BOLL: variants seen among roughly 807,000 people sequenced by gnomAD.
BOLL encodes the protein protein boule-like.
Under a neutral mutation model 44.4 loss-of-function variants are expected in BOLL, and 23 were observed. That is an observed-to-expected ratio of 0.52 (90% CI 0.37 to 0.73). The LOEUF (loss-of-function observed/expected upper bound fraction) is 0.73, where lower values mean the gene tolerates loss of function less well. Ranked by LOEUF, BOLL falls within the 30% of genes least tolerant of loss-of-function variation. The pLI is 0.00. For synonymous variants in BOLL, 97 were observed against 110.8 expected (o/e 0.88, Z 0.78); for missense variants, 287 against 338.3 (o/e 0.85, Z 1.19).
chr2:197,730,017 G>C (rs1215197170), intron 10 of BOLL, among the ~76,000 whole-genome samples: 14 of 149,646 alleles, frequency 9.4e-5, no homozygotes, highest in Non-Finnish European at 1.8e-4. Flanking sequence ...ATTACTCTGA[G>C]CTACGGGAGG....
At chr2:197,742,836 T>A (rs1687815247) in intron 10 of BOLL, among the ~76,000 whole-genome samples, 1 of 151,892 alleles carries the variant, frequency 6.6e-6, no homozygotes, top group Non-Finnish European at 1.5e-5. Flanking sequence ...AAATAAAAAT[T>A]TTTTAAAAAA....
intron 10 of BOLL, among the ~76,000 whole-genome samples, chr2:197,732,458 T>C (rs939397608): frequency 1.3e-5 from 2 of 152,160 alleles, no homozygotes; most frequent in African/African-American, 4.8e-5. Context: ...TAACTCATTT[T>C]ATGAGGCCAG....
intron 7 of BOLL, among the ~76,000 whole-genome samples, chr2:197,766,194 T>G (rs1559410928): frequency 6.6e-6 from 1 of 152,152 alleles, no homozygotes; most frequent in Admixed American, 6.5e-5. Flanking sequence ...CCTCTGGCTA[T>G]ATACCCAGTA....
At chr2:197,776,981 T>C in intron 4 of BOLL, 78 bp downstream of exon 4, 1 of 1,128,206 alleles carries the variant, frequency 8.9e-7, no homozygotes, top group Non-Finnish European at 1.3e-6. Context: ...CAGTTGATTA[T>C]TGTATTTGAA....
rs898764855 is a variant in BOLL, at chr2:197,772,110, C to T, written c.353-128G>A. The T allele has an allele frequency of 1.8e-5, 13 of 737,368 alleles. No homozygotes were observed. In the Admixed American group the frequency reaches 3.9e-4, roughly 22 times the overall value. 45.7% of individuals were successfully genotyped at this position (737,368 alleles called of 1,614,324 possible). ...TAGCTATGGTAAAAATTGAATGTCA[C>T]AGATATTTTTAAAAAATTCCTTATG... On this transcript the variant is annotated intron_variant, in intron 5 of 10. Coordinates refer to ENST00000392296, the MANE Select transcript of BOLL (RefSeq NM_033030.6).
chr2:197,752,241 A>C (rs563720594), intron 9 of BOLL, among the ~76,000 whole-genome samples: 14 of 152,328 alleles, frequency 9.2e-5, no homozygotes, highest in Admixed American at 6.5e-5. Context: ...AACCGGCACA[A>C]GACAAGGATG....
At chr2:197,752,942 G>C (rs766729870) in intron 9 of BOLL, among the ~76,000 whole-genome samples, 6 of 152,076 alleles carry the variant, frequency 3.9e-5, no homozygotes, top group Non-Finnish European at 7.4e-5. Flanking sequence ...CATGGTACTG[G>C]TACCAAAACA....
chr2:197,750,738 C>T (rs754562231), intron 9 of BOLL, among the ~76,000 whole-genome samples: 4 of 152,060 alleles, frequency 2.6e-5, no homozygotes, highest in Admixed American at 6.6e-5. Flanking sequence ...GACAGATCAA[C>T]GAGACAGAAA....
intron 9 of BOLL, among the ~76,000 whole-genome samples, chr2:197,752,993 A>G (rs1688333489): frequency 6.6e-6 from 1 of 152,204 alleles, no homozygotes; most frequent in African/African-American, 2.4e-5. Flanking sequence ...CCTCAGAAAT[A>G]ACATCACACA....
intron 2 of BOLL, among the ~76,000 whole-genome samples, chr2:197,780,947 G>A (rs533942266): frequency 6.6e-6 from 1 of 152,080 alleles, no homozygotes; most frequent in South Asian, 2.1e-4. Context: ...TGTGGGCTGG[G>A]GGGCACTGCA....
chr2:197,773,348 G>A (rs1689350879), intron 5 of BOLL, among the ~76,000 whole-genome samples: 1 of 151,652 alleles, frequency 6.6e-6, no homozygotes, highest in Admixed American at 6.6e-5. Flanking sequence ...TCAAGGCATT[G>A]AACAGGGCCC....
chr2:197,735,879 C>G (rs1472514158), intron 10 of BOLL, among the ~76,000 whole-genome samples: 2 of 152,048 alleles, frequency 1.3e-5, no homozygotes, highest in African/African-American at 4.8e-5. Context: ...ATTTTGTTCT[C>G]TCACCCTAGA....
chr2:197,741,933 A>G (rs1687755941), intron 10 of BOLL, among the ~76,000 whole-genome samples: 1 of 152,240 alleles, frequency 6.6e-6, no homozygotes, highest in South Asian at 2.1e-4. Flanking sequence ...GATATCTCTA[A>G]TATCCAGAAT....
intron 7 of BOLL, chr2:197,758,793 A>G (rs558927940): frequency 2.4e-4 from 133 of 559,512 alleles, no homozygotes; most frequent in African/African-American, 2.2e-3. Flanking sequence ...ATTTGCTTTA[A>G]TATAAATTAT....
At chr2:197,748,154 C>T (rs1166301666) in intron 9 of BOLL, among the ~76,000 whole-genome samples, 1 of 152,188 alleles carries the variant, frequency 6.6e-6, no homozygotes, top group Non-Finnish European at 1.5e-5. Flanking sequence ...GGTCAGGGAA[C>T]TCCCTTCCCC....
chr2:197,763,280 A>C (rs1396965276), intron 7 of BOLL, among the ~76,000 whole-genome samples: 1 of 152,136 alleles, frequency 6.6e-6, no homozygotes, highest in African/African-American at 2.4e-5. Flanking sequence ...CAGGAGATCG[A>C]GACCATCCTG....
At chr2:197,772,736 T>C (rs187820176) in intron 5 of BOLL, among the ~76,000 whole-genome samples, 5 of 152,096 alleles carry the variant, frequency 3.3e-5, no homozygotes, top group East Asian at 1.9e-4. Flanking sequence ...TTTTTTGTCA[T>C]TGAGGAGACT....
intron 10 of BOLL, among the ~76,000 whole-genome samples, chr2:197,741,265 T>G (rs1257204723): frequency 6.6e-6 from 1 of 152,192 alleles, no homozygotes; most frequent in Admixed American, 6.6e-5. Flanking sequence ...AGTTCACTCA[T>G]GATTTGGCTC....
At chr2:197,785,616 C>T (rs1018388083), upstream of BOLL, among the ~76,000 whole-genome samples, 2 of 152,332 alleles carry the variant, frequency 1.3e-5, no homozygotes, top group Middle Eastern at 3.4e-3. This position sits in a 1 kb window ranked among gnomAD's most constrained non-coding sequence, Gnocchi z 6.7. Flanking sequence ...CGAGTTCGGC[C>T]GCAGGGAGCG....
Sources: allele counts gnomAD v4.1 joint callset (sites outside exome capture counted in the v4.1 genomes callset), GRCh38; gene constraint gnomAD v4.1.1; non-coding constraint Gnocchi (gnomAD v3.1); transcripts MANE v1.5; gene names NCBI Gene and HGNC (gene_info 2026-07-23, HGNC 2026-07-21).